GTF3C2: variants seen among roughly 807,000 people sequenced by gnomAD.
GTF3C2 encodes general transcription factor 3C polypeptide 2.
GTF3C2 carries 17 observed loss-of-function variants against 117.4 expected under a neutral mutation model. The ratio of observed to expected loss-of-function variants is 0.14; its 90% CI spans 0.10 to 0.22. GTF3C2 has a LOEUF of 0.22. GTF3C2 is among the 10% of genes least tolerant of loss of function. The probability of loss-of-function intolerance (pLI) is 1.00; values close to 1 mark genes in which losing one functional copy is unlikely to be tolerated. For synonymous variants in GTF3C2, 437 were observed against 427.0 expected, an observed-to-expected ratio of 1.02 and a Z score of -0.29; for missense variants, 888 against 1,143.6, an observed-to-expected ratio of 0.78 and a Z score of 3.22.
At chr2:27,342,224 C>G in exon 4 of GTF3C2, 1 of 1,608,060 alleles carries the variant, frequency 6.2e-7, no homozygotes, top group Non-Finnish European at 8.5e-7. Flanking sequence ...CCTGAAGATA[C>G]AGAAGTGCCC....
At position 27,335,492 on chromosome 2, in the gene GTF3C2, T is replaced by TG. The variant is rs551874340; in HGVS notation, c.1576+105dup. ...GTGTGTGTGTGGCTGAGTAAGGCTT[T>TG]GTGCTAAGAGAGACTGGCCCAGAGG... On this transcript the variant is annotated intron_variant, in intron 10 of 18. Coordinates refer to ENST00000264720, the Ensembl canonical transcript of GTF3C2. The TG allele has an allele frequency of 1.4e-5, 10 of 728,672 alleles. No homozygotes were observed. In the African/African-American group the frequency reaches 1.4e-4, roughly 10 times the overall value. 45.1% of individuals were successfully genotyped at this position (728,672 alleles called of 1,614,324 possible). A position where few individuals can be genotyped will look rare whatever the true frequency, so the allele number is the denominator to read the frequency against.
Position 27,329,562 on chromosome 2 carries a change from T to C in GTF3C2, c.1733-39A>G. Reference sequence around the variant, plus strand: ...AGAATGTGTGAGCATTAAAAGCAAGTTCTCTCTTCCTTGCTCTAATTTCTT... The same window carrying C: ...AGAATGTGTGAGCATTAAAAGCAAGCTCTCTCTTCCTTGCTCTAATTTCTT... On this transcript the variant is annotated intron_variant, in intron 12 of 18. Coordinates refer to ENST00000264720, the Ensembl canonical transcript of GTF3C2. This position sits in a 1 kb window ranked among gnomAD's most constrained non-coding sequence, Gnocchi z 4.5. 6.2e-7 allele frequency: 1 copy of C among 1,604,490 alleles called. No individual in the cohort carries two copies. Among genetic ancestry groups the C allele is most frequent in the Non-Finnish European group, 8.5e-7 (1 of 1,172,806 alleles).
intron 5 of GTF3C2, 71 bp from the exon 6 acceptor site, chr2:27,337,629 T>C: frequency 4.8e-6 from 5 of 1,047,054 alleles, no homozygotes; most frequent in Non-Finnish European, 7.5e-6. Context: ...AAACTTTCTG[T>C]GGGGATGGAA....
At chr2:27,340,518 G>C (rs1209273441) in intron 4 of GTF3C2, 3 of 152,212 alleles carry the variant, frequency 2.0e-5, no homozygotes, top group Non-Finnish European at 4.4e-5. Flanking sequence ...ACAGGTGTGA[G>C]CTACCGCACC....
intron 17 of GTF3C2, 66 bp downstream of exon 17, chr2:27,327,970 TA>T (rs1680144955): frequency 8.2e-6 from 11 of 1,340,164 alleles, no homozygotes; most frequent in Non-Finnish European, 1.1e-5. Flanking sequence ...CAGGCTTGCG[TA>T]CTATACAAAG....
intron 1 of GTF3C2, among the ~76,000 whole-genome samples, chr2:27,353,646 C>T (rs1387919448): frequency 1.3e-5 from 2 of 152,116 alleles, no homozygotes; most frequent in Non-Finnish European, 2.9e-5. Context: ...ACCATGTTGG[C>T]CAGGCTGGTC....
At chr2:27,348,579 A>G (rs891252189) in intron 1 of GTF3C2, among the ~76,000 whole-genome samples, 1 of 152,022 alleles carries the variant, frequency 6.6e-6, no homozygotes, top group Non-Finnish European at 1.5e-5. Flanking sequence ...CGAAGCAAGC[A>G]GATTGCTTGA....
At chr2:27,333,305 C>T (rs1289597173) in intron 12 of GTF3C2, among the ~76,000 whole-genome samples, 1 of 151,864 alleles carries the variant, frequency 6.6e-6, no homozygotes, top group Non-Finnish European at 1.5e-5. Flanking sequence ...GCATGTGCCA[C>T]CATCCTGAGC....
intron 1 of GTF3C2, chr2:27,356,051 T>C (rs1681363092): frequency 8.0e-7 from 1 of 1,249,826 alleles, no homozygotes; most frequent in African/African-American, 1.5e-5. Flanking sequence ...GACTTAAAAT[T>C]GTATATGCCT....
At chr2:27,338,423 T>C (rs1441893899) in intron 4 of GTF3C2, among the ~76,000 whole-genome samples, 1 of 151,850 alleles carries the variant, frequency 6.6e-6, no homozygotes, top group African/African-American at 2.4e-5. Context: ...TCCTGTCGTC[T>C]TCTCGCCCCT....
rs768397410 is a variant in GTF3C2 at position 27,326,697 on chromosome 2, T to C, written c.2714A>G (p.His905Arg). 3 of 1,613,932 alleles carry C rather than the reference T, an allele frequency of 1.9e-6. No individual in the cohort carries two copies. The Admixed American group carries it at 5.0e-5, about 27-fold the overall frequency. The change falls in exon 19 of 19, where the codon CAT becomes CGT. Residue 905 changes from histidine (H) to arginine (R), a missense_variant. Coordinates refer to ENST00000264720, the Ensembl canonical transcript of GTF3C2. Reference sequence around the variant, plus strand: ...AGGCTAGGGAGTGGGCAGAAGGCGATGGCTGGTTGGAGAGAAGCCAGGCCG... The same window carrying C: ...AGGCTAGGGAGTGGGCAGAAGGCGACGGCTGGTTGGAGAGAAGCCAGGCCG...
At chr2:27,330,469 A>T (rs1680239506) in intron 12 of GTF3C2, among the ~76,000 whole-genome samples, 1 of 152,036 alleles carries the variant, frequency 6.6e-6, no homozygotes, top group South Asian at 2.1e-4. Flanking sequence ...CTCAAAAAAA[A>T]AGAAAAAAAA....
At chr2:27,335,742 T>C in intron 9 of GTF3C2, 36 bp from the exon 10 acceptor site, 1 of 1,377,364 alleles carries the variant, frequency 7.3e-7, no homozygotes, top group Non-Finnish European at 1.0e-6. Flanking sequence ...CTTGCTGCCT[T>C]CAGCTGACTC....
intron 3 of GTF3C2, chr2:27,342,517 A>G (rs1421926775): frequency 1.9e-6 from 1 of 539,464 alleles, no homozygotes; most frequent in Non-Finnish European, 3.3e-6. Context: ...CACAGAGGGC[A>G]AGAGAAAGAA....
intron 10 of GTF3C2, among the ~76,000 whole-genome samples, chr2:27,334,826 G>C (rs1680403165): frequency 6.6e-6 from 1 of 151,804 alleles, no homozygotes; most frequent in South Asian, 2.1e-4. Flanking sequence ...AAATTTTTTT[G>C]TCGAGACGAC....
At chr2:27,328,525 T>C (rs749736567) in exon 16 of GTF3C2, 1 of 1,612,066 alleles carries the variant, frequency 6.2e-7, no homozygotes, top group Non-Finnish European at 8.5e-7. Context: ...TATCTGGTAA[T>C]ATAGCAGCAA....
exon 19 of GTF3C2, chr2:27,326,036 A>G (rs959764933): frequency 7.6e-5 from 27 of 354,544 alleles, no homozygotes; most frequent in African/African-American, 4.9e-4. Context: ...ATGACTGTTC[A>G]GGAGTGTTCA....
chr2:27,336,233 C>A, exon 8 of GTF3C2: 1 of 1,614,146 alleles, frequency 6.2e-7, no homozygotes, highest in Non-Finnish European at 8.5e-7. Flanking sequence ...GGCCCCAGAG[C>A]TGGAGCAGCC....
At chr2:27,348,129 G>A (rs1266840862) in intron 1 of GTF3C2, among the ~76,000 whole-genome samples, 1 of 152,174 alleles carries the variant, frequency 6.6e-6, no homozygotes, top group Non-Finnish European at 1.5e-5. Context: ...TTAGCTGGGT[G>A]TGGTGCCGCG....
Sources: allele counts gnomAD v4.1 joint callset (sites outside exome capture counted in the v4.1 genomes callset), GRCh38; gene constraint gnomAD v4.1.1; non-coding constraint Gnocchi (gnomAD v3.1); transcripts MANE v1.5; gene names NCBI Gene and HGNC (gene_info 2026-07-23, HGNC 2026-07-21).